APOO: variants seen among roughly 807,000 people sequenced by gnomAD.
APOO encodes the protein MICOS complex subunit MIC26.
APOO carries 11 observed loss-of-function variants against 23.1 expected under a neutral mutation model. That is an observed-to-expected ratio of 0.48 (90% CI 0.30 to 0.79). The LOEUF (loss-of-function observed/expected upper bound fraction) is 0.79. Ranked by LOEUF, APOO falls within the 30% of genes least tolerant of loss-of-function variation. The pLI is 0.07. For synonymous variants in APOO, 59 were observed against 54.8 expected, an observed-to-expected ratio of 1.08 and a Z score of -0.34; for missense variants, 160 against 142.7, an observed-to-expected ratio of 1.12 and a Z score of -0.62.
chrX:23,867,345 T>C (rs1163402056), intron 5 of APOO, among the ~76,000 whole-genome samples: 4 of 110,133 alleles, frequency 3.6e-5, no homozygotes, highest in Non-Finnish European at 7.6e-5. Flanking sequence ...GAATGAGTGA[T>C]TTCTCACTCT....
chrX:23,854,509 G>GT (rs1459140492), intron 7 of APOO, among the ~76,000 whole-genome samples: 2 of 111,542 alleles, frequency 1.8e-5, no homozygotes, highest in African/African-American at 6.5e-5. Flanking sequence ...GTGTGCATTT[G>GT]TTTTTTTGCT....
At chrX:23,907,159 G>A (rs954316975) in intron 1 of APOO, among the ~76,000 whole-genome samples, 1 of 111,469 alleles carries the variant, frequency 9.0e-6, no homozygotes, top group Non-Finnish European at 1.9e-5. Context: ...AGGGAAGGGG[G>A]TCCACTGGCC....
At chrX:23,856,169 A>G (rs904227228) in intron 7 of APOO, 133 bp downstream of exon 7, 7 of 664,851 alleles carry the variant, frequency 1.1e-5, no homozygotes, top group African/African-American at 4.4e-5. Flanking sequence ...CACCTGAAAA[A>G]TCTGAGCTGG....
At chrX:23,874,501 T>G (rs760875349) in intron 3 of APOO, 44 bp from the exon 4 acceptor site, 1 of 1,037,915 alleles carries the variant, frequency 9.6e-7, no homozygotes. Context: ...TCACAGGATC[T>G]GCTGATTAGA....
chrX:23,874,243 A>G (rs1925744795), intron 4 of APOO, among the ~76,000 whole-genome samples, 160 bp downstream of exon 4: 1 of 111,803 alleles, frequency 8.9e-6, no homozygotes, highest in Non-Finnish European at 1.9e-5. Flanking sequence ...AATCTGATGA[A>G]AACAACAGCT....
intron 8 of APOO, among the ~76,000 whole-genome samples, chrX:23,834,268 C>T (rs1923547091): frequency 1.9e-5 from 2 of 105,604 alleles, no homozygotes; most frequent in Non-Finnish European, 3.9e-5. Flanking sequence ...TGGTGGCGGG[C>T]GCCTGTAATC....
At chrX:23,839,307 A>T (rs776696969) in intron 8 of APOO, among the ~76,000 whole-genome samples, 1 of 112,067 alleles carries the variant, frequency 8.9e-6, no homozygotes, top group Non-Finnish European at 1.9e-5. Flanking sequence ...TTGTCCCAGG[A>T]TGGCTGCCCC....
intron 8 of APOO, among the ~76,000 whole-genome samples, chrX:23,837,958 CCTATCTATCTATCTATCTAT>C (rs76055034): frequency 2.0e-4 from 19 of 94,983 alleles, no homozygotes; most frequent in Admixed American, 4.8e-4. Flanking sequence ...CTGCACCCGG[CCTATCTATCTATCTATCTAT>C]CTATCTATCT....
chrX:23,886,942 T>C (rs1705030688), intron 1 of APOO, among the ~76,000 whole-genome samples: 1 of 111,300 alleles, frequency 9.0e-6, no homozygotes, highest in South Asian at 3.7e-4. Flanking sequence ...CCCAGGACAG[T>C]GTAAGGGCAC....
intron 1 of APOO, among the ~76,000 whole-genome samples, chrX:23,886,876 C>T (rs1160762772): frequency 9.0e-6 from 1 of 111,286 alleles, no homozygotes; most frequent in African/African-American, 3.3e-5. Context: ...AGTATTCAGG[C>T]CAACCTATTC....
intron 1 of APOO, among the ~76,000 whole-genome samples, chrX:23,890,767 G>A (rs1477901635): frequency 8.9e-6 from 1 of 111,759 alleles, no homozygotes; most frequent in Non-Finnish European, 1.9e-5. Context: ...ATGTTTGGTA[G>A]GTTAGGTGTG....
intron 1 of APOO, among the ~76,000 whole-genome samples, chrX:23,899,671 C>T (rs934443782): frequency 8.9e-6 from 1 of 111,982 alleles, no homozygotes; most frequent in Admixed American, 9.5e-5. Flanking sequence ...ACTTTCTTGT[C>T]ATATTAAAAA....
chrX:23,836,197 G>A (rs1923657833), intron 8 of APOO, among the ~76,000 whole-genome samples: 1 of 112,844 alleles, frequency 8.9e-6, no homozygotes, highest in Non-Finnish European at 1.9e-5. Context: ...GCAGTGGCAC[G>A]ATCTTGGCTC....
intron 5 of APOO, among the ~76,000 whole-genome samples, chrX:23,865,796 C>T (rs1925309718): frequency 9.0e-6 from 1 of 111,032 alleles, no homozygotes; most frequent in Admixed American, 9.7e-5. Flanking sequence ...CTATACCCAA[C>T]GCTCAGGAGA....
intron 6 of APOO, 127 bp from the exon 7 acceptor site, chrX:23,856,509 A>C (rs1452947923): frequency 8.6e-6 from 4 of 462,926 alleles, no homozygotes; most frequent in Non-Finnish European, 1.4e-5. Context: ...AGCACTATGC[A>C]TAATAGCAAA....
intron 5 of APOO, among the ~76,000 whole-genome samples, chrX:23,867,093 C>G (rs985193045): frequency 9.4e-6 from 1 of 106,585 alleles, no homozygotes; most frequent in Non-Finnish European, 1.9e-5. Flanking sequence ...GAGTGAGACT[C>G]TATCTCAAAT....
chrX:23,841,162 T>C (rs983480413), intron 7 of APOO, among the ~76,000 whole-genome samples: 5 of 111,478 alleles, frequency 4.5e-5, no homozygotes, highest in Non-Finnish European at 7.5e-5. Flanking sequence ...TTTCTCCTGG[T>C]GCCCCTCTTT....
intron 1 of APOO, among the ~76,000 whole-genome samples, chrX:23,894,563 G>A (rs996756633): frequency 1.8e-5 from 2 of 111,910 alleles, no homozygotes; most frequent in African/African-American, 6.5e-5. Context: ...GGAAAGCCAA[G>A]TTGGTTAGAT....
intron 1 of APOO, among the ~76,000 whole-genome samples, chrX:23,889,423 T>C (rs770198840): frequency 9.0e-6 from 1 of 111,301 alleles, no homozygotes; most frequent in African/African-American, 3.3e-5. Flanking sequence ...CTCAGAATTA[T>C]TCAGACTCTC....
Sources: allele counts gnomAD v4.1 joint callset (sites outside exome capture counted in the v4.1 genomes callset), GRCh38; gene constraint gnomAD v4.1.1; transcripts MANE v1.5; gene names NCBI Gene and HGNC (gene_info 2026-07-23, HGNC 2026-07-21).